Variants in CACNB2 observed in about 807,000 individuals in gnomAD.
CACNB2 encodes voltage-dependent L-type calcium channel subunit beta-2.
In CACNB2, 42 loss-of-function variants were observed where a neutral mutation model predicts 73.3. The observed-to-expected ratio is 0.57, with a 90% CI of 0.45 to 0.74. The LOEUF (loss-of-function observed/expected upper bound fraction) is 0.74. Among genes scored for constraint, CACNB2 ranks in the 30% least tolerant of loss-of-function variants. The probability of loss-of-function intolerance (pLI) is 0.00; values close to 1 mark genes in which losing one functional copy is unlikely to be tolerated. For missense variants in CACNB2, 940 were observed against 853.0 expected (o/e 1.10, Z -1.27); for synonymous variants, 348 against 310.3 (o/e 1.12, Z -1.28).
chr10:18,299,893 A>ATGCCAATCT (rs1236404064), intron 2 of CACNB2, among the ~76,000 whole-genome samples: 2 of 152,188 alleles, frequency 1.3e-5, no homozygotes, highest in Non-Finnish European at 2.9e-5. Flanking sequence ...ATCACCTCTG[A>ATGCCAATCT]TGCCAATCTA....
At chr10:18,202,693 T>C (rs1051824452) in intron 2 of CACNB2, among the ~76,000 whole-genome samples, 1 of 152,244 alleles carries the variant, frequency 6.6e-6, no homozygotes, top group African/African-American at 2.4e-5. Flanking sequence ...CCAGTGTCTA[T>C]AGTTCCAGAA....
intron 3 of CACNB2, among the ~76,000 whole-genome samples, chr10:18,497,147 G>A (rs890396859): frequency 1.3e-5 from 2 of 150,574 alleles, no homozygotes; most frequent in Non-Finnish European, 2.9e-5. Context: ...CAGAGGAGGA[G>A]GTTGCAGTGA....
chr10:18,284,000 AG>A (rs1241718095), intron 2 of CACNB2, among the ~76,000 whole-genome samples: 17 of 152,292 alleles, frequency 1.1e-4, no homozygotes, highest in Middle Eastern at 3.4e-3. Flanking sequence ...CACTGATACC[AG>A]CCTATATGTA....
intron 9 of CACNB2, among the ~76,000 whole-genome samples, chr10:18,525,746 T>G (rs1035330401): frequency 3.4e-4 from 51 of 152,196 alleles, no homozygotes; most frequent in Admixed American, 2.2e-3. Context: ...TAATTTGGAA[T>G]TTGAACCTCT....
intron 3 of CACNB2, among the ~76,000 whole-genome samples, chr10:18,449,923 C>G (rs1564562983): frequency 6.6e-6 from 1 of 152,192 alleles, no homozygotes. Context: ...TAGGATGATG[C>G]AGGCTGGCTC....
At chr10:18,411,115 C>G (rs991673097) in intron 3 of CACNB2, among the ~76,000 whole-genome samples, 1 of 151,874 alleles carries the variant, frequency 6.6e-6, no homozygotes, top group African/African-American at 2.4e-5. Flanking sequence ...ATGCTTCTTG[C>G]TTTAAAAAAT....
intron 2 of CACNB2, among the ~76,000 whole-genome samples, chr10:18,388,342 A>C (rs1167074237): frequency 6.6e-6 from 1 of 152,212 alleles, no homozygotes; most frequent in East Asian, 1.9e-4. Flanking sequence ...TTTCCAGCTA[A>C]ATAATCTAAA....
chr10:18,198,473 C>A (rs895631275), intron 2 of CACNB2, among the ~76,000 whole-genome samples: 2 of 152,050 alleles, frequency 1.3e-5, no homozygotes, highest in African/African-American at 4.8e-5. Flanking sequence ...TTTGGGCATG[C>A]CTTGTTCTGT....
intron 2 of CACNB2, among the ~76,000 whole-genome samples, chr10:18,372,313 C>T (rs1402318262): frequency 3.3e-5 from 5 of 152,108 alleles, no homozygotes; most frequent in African/African-American, 1.2e-4. Flanking sequence ...CCTAGGTTTT[C>T]TTCTAGGGTT....
At chr10:18,225,467 G>A (rs1376383166) in intron 2 of CACNB2, among the ~76,000 whole-genome samples, 2 of 152,094 alleles carry the variant, frequency 1.3e-5, no homozygotes, top group South Asian at 2.1e-4. Context: ...ACCAGGATTC[G>A]TGACACCACA....
At chr10:18,263,207 C>A (rs112443278) in intron 2 of CACNB2, among the ~76,000 whole-genome samples, 1 of 152,124 alleles carries the variant, frequency 6.6e-6, no homozygotes, top group Non-Finnish European at 1.5e-5. Flanking sequence ...TAGGTTAAAT[C>A]GAAACCTATT....
At chr10:18,356,796 A>AT (rs1210608201) in intron 2 of CACNB2, among the ~76,000 whole-genome samples, 5 of 151,796 alleles carry the variant, frequency 3.3e-5, no homozygotes, top group African/African-American at 1.2e-4. Flanking sequence ...TGCCTGGCTA[A>AT]TTTTTTTATA....
At position 18,140,443 on chromosome 10, in the gene CACNB2, C is replaced by G. The variant is rs2030263193; in HGVS notation, c.-294C>G. ...ATCCCCGCCGCGCTGCGCCCGCTCT[C>G]CCGGCCCCGGCTGCCCCGCTGAGGG... On this transcript the variant is annotated 5_prime_UTR_variant, in exon 1 of 14. Transcript: ENST00000324631. Among the ~76,000 whole-genome samples the G allele has an allele frequency of 6.6e-6, 1 of 151,992 alleles. No individual in the cohort carries two copies. Among genetic ancestry groups the G allele is most frequent in the South Asian group, 2.1e-4 (1 of 4,830 alleles).
At chr10:18,189,506 T>C (rs1402910222) in intron 2 of CACNB2, among the ~76,000 whole-genome samples, 2 of 151,816 alleles carry the variant, frequency 1.3e-5, no homozygotes, top group Admixed American at 6.5e-5. Context: ...CCTGATTAAG[T>C]TGAATACTGT....
chr10:18,381,547 G>T (rs1048367976), intron 2 of CACNB2, among the ~76,000 whole-genome samples: 1 of 151,952 alleles, frequency 6.6e-6, no homozygotes, highest in Non-Finnish European at 1.5e-5. Context: ...AATTAGCTGG[G>T]CGTGATGGCG....
intron 2 of CACNB2, among the ~76,000 whole-genome samples, chr10:18,366,981 T>C (rs562993445): frequency 1.6e-4 from 25 of 152,338 alleles, no homozygotes; most frequent in Admixed American, 1.6e-3. Context: ...ACTGTCATAA[T>C]GCACTTGAAC....
chr10:18,195,349 A>C (rs953826417), intron 2 of CACNB2, among the ~76,000 whole-genome samples: 1 of 152,170 alleles, frequency 6.6e-6, no homozygotes, highest in Non-Finnish European at 1.5e-5. Context: ...ATGCTTACAC[A>C]TACAAGCCCA....
At chr10:18,312,353 T>TA (rs551033602) in intron 2 of CACNB2, among the ~76,000 whole-genome samples, 4 of 152,304 alleles carry the variant, frequency 2.6e-5, no homozygotes, top group South Asian at 2.1e-4. Context: ...CTCCTTTACA[T>TA]AAAAAAATAT....
intron 10 of CACNB2, among the ~76,000 whole-genome samples, chr10:18,528,555 T>C (rs1032194093): frequency 3.9e-5 from 6 of 152,234 alleles, no homozygotes; most frequent in Non-Finnish European, 7.3e-5. Context: ...GTTTCTAACA[T>C]AGAAGTTCTT....
Sources: gnomAD v4.1 joint callset for allele counts (sites outside exome capture counted in the v4.1 genomes callset) on GRCh38, gnomAD v4.1.1 for gene constraint, MANE v1.5 for transcripts, NCBI Gene and HGNC (gene_info 2026-07-23, HGNC 2026-07-21) for gene names.